The following UVRAG variants were observed in gnomAD, a reference collection of about 807,000 sequenced individuals.
UVRAG encodes the protein UV radiation resistance-associated gene protein.
In UVRAG, 19 loss-of-function variants were observed where a neutral mutation model predicts 78.0. The observed-to-expected ratio is 0.24, with a 90% CI of 0.17 to 0.36. The LOEUF (loss-of-function observed/expected upper bound fraction) is 0.36, where lower values mean the gene tolerates loss of function less well. UVRAG is among the 10% of genes least tolerant of loss of function. The probability of loss-of-function intolerance (pLI) is 1.00; values close to 1 mark genes in which losing one functional copy is unlikely to be tolerated. For synonymous variants in UVRAG, 323 were observed against 324.6 expected (o/e 1.00, Z 0.05); for missense variants, 740 against 853.8 (o/e 0.87, Z 1.66).
chr11:76,002,149 T>C (rs1949826645), intron 8 of UVRAG, among the ~76,000 whole-genome samples: 1 of 152,154 alleles, frequency 6.6e-6, no homozygotes, highest in South Asian at 2.1e-4. Context: ...ATCAGTATTA[T>C]TACTTATTTT....
intron 11 of UVRAG, among the ~76,000 whole-genome samples, chr11:76,015,747 A>C (rs1158841746): frequency 6.6e-6 from 1 of 152,208 alleles, no homozygotes; most frequent in Non-Finnish European, 1.5e-5. Flanking sequence ...GTGCTTACGT[A>C]ATTAAGTGGA....
intron 7 of UVRAG, among the ~76,000 whole-genome samples, chr11:75,964,011 T>C (rs1195926422): frequency 1.3e-5 from 2 of 152,204 alleles, no homozygotes; most frequent in East Asian, 3.9e-4. Context: ...TAGATAAATG[T>C]ATGTTTTTTC....
chr11:75,930,547 A>G (rs191991392), intron 6 of UVRAG, among the ~76,000 whole-genome samples: 4 of 152,350 alleles, frequency 2.6e-5, no homozygotes, highest in Non-Finnish European at 4.4e-5. Flanking sequence ...AAAAAGTTTT[A>G]TAATTGCTCT....
chr11:75,926,121 T>C (rs1399648304), intron 6 of UVRAG, among the ~76,000 whole-genome samples: 2 of 152,172 alleles, frequency 1.3e-5, no homozygotes, highest in African/African-American at 2.4e-5. Flanking sequence ...ATGGAGACTT[T>C]CCTAATAGGC....
chr11:76,110,414 C>G (rs569019188), intron 13 of UVRAG, among the ~76,000 whole-genome samples: 1 of 152,240 alleles, frequency 6.6e-6, no homozygotes, highest in South Asian at 2.1e-4. Context: ...AGTCAAACAA[C>G]TAGTAAGTGA....
rs1391854387 is a variant in UVRAG, at chr11:76,007,761, T to G, written c.999+140T>G. 3 of 674,050 alleles carry G rather than the reference T, an allele frequency of 4.5e-6. No individual in the cohort carries two copies. In the African/African-American group the frequency reaches 5.4e-5, roughly 12 times the overall value. The allele number at this position is 674,050 out of a possible 1,614,324, so 41.8% of individuals were successfully genotyped here. On this transcript the variant is annotated intron_variant, in intron 10 of 14. Coordinates refer to ENST00000356136, the MANE Select transcript of UVRAG (RefSeq NM_003369.4). The stretch of plus-strand genomic sequence containing the variant: ...ATTCATTCAGGAGCTAATGTCTATT[T>G]AAAACATAGATTTAGACTTGTTTGG...
chr11:76,070,742 A>G (rs556467508), intron 13 of UVRAG, among the ~76,000 whole-genome samples: 2 of 152,322 alleles, frequency 1.3e-5, no homozygotes, highest in East Asian at 3.9e-4. Flanking sequence ...TTAATATGCT[A>G]GACACAAAAG....
intron 1 of UVRAG, among the ~76,000 whole-genome samples, chr11:75,841,168 G>C (rs1945899551): frequency 6.6e-6 from 1 of 152,158 alleles, no homozygotes; most frequent in Non-Finnish European, 1.5e-5. Context: ...GAAAGAAATG[G>C]AACCAGGAGT....
intron 6 of UVRAG, among the ~76,000 whole-genome samples, chr11:75,917,578 T>C (rs1399735737): frequency 2.0e-5 from 3 of 152,180 alleles, no homozygotes; most frequent in Non-Finnish European, 2.9e-5. Flanking sequence ...CTACCTCTCT[T>C]TTGGATTTCC....
intron 1 of UVRAG, among the ~76,000 whole-genome samples, chr11:75,847,208 A>G (rs1946053492): frequency 2.0e-5 from 3 of 151,290 alleles, no homozygotes; most frequent in Admixed American, 2.0e-4. Context: ...GCTTACTGCA[A>G]CGTCCAACTC....
chr11:76,060,839 GCCTCCC>G (rs1206059543), intron 12 of UVRAG, among the ~76,000 whole-genome samples: 1 of 152,238 alleles, frequency 6.6e-6, no homozygotes, highest in Non-Finnish European at 1.5e-5. Context: ...CCATGCCTGA[GCCTCCC>G]CCTCCTCCGT....
intron 6 of UVRAG, among the ~76,000 whole-genome samples, chr11:75,954,137 G>A (rs931039352): frequency 6.6e-6 from 1 of 152,078 alleles, no homozygotes; most frequent in Non-Finnish European, 1.5e-5. Flanking sequence ...TGAAAGGGGG[G>A]TGTTATTAGC....
At chr11:76,108,428 T>A (rs1952010203) in intron 13 of UVRAG, among the ~76,000 whole-genome samples, 1 of 152,226 alleles carries the variant, frequency 6.6e-6, no homozygotes, top group Admixed American at 6.5e-5. Flanking sequence ...TTAAATGTGA[T>A]CTCCAGAGCT....
intron 6 of UVRAG, among the ~76,000 whole-genome samples, chr11:75,912,736 C>T (rs60012502): frequency 0.029 from 4,371 of 152,242 alleles, 222 homozygotes; most frequent in African/African-American, 0.1. Context: ...GTTTACGTGA[C>T]ACATAATACA....
intron 2 of UVRAG, among the ~76,000 whole-genome samples, chr11:75,861,275 G>A (rs1350198479): frequency 6.6e-6 from 1 of 152,196 alleles, no homozygotes; most frequent in Non-Finnish European, 1.5e-5. Flanking sequence ...TCACCCGGTT[G>A]CTAGTGTTTT....
At chr11:76,111,406 GTTCAC>G (rs1200920298) in intron 13 of UVRAG, among the ~76,000 whole-genome samples, 1 of 152,066 alleles carries the variant, frequency 6.6e-6, no homozygotes, top group Non-Finnish European at 1.5e-5. Context: ...AATACTCCCA[GTTCAC>G]TTTTCCCACT....
At chr11:76,002,350 TA>T (rs1271698625) in intron 8 of UVRAG, among the ~76,000 whole-genome samples, 13 of 152,308 alleles carry the variant, frequency 8.5e-5, no homozygotes, top group South Asian at 6.2e-4. Flanking sequence ...CTGATTGGGA[TA>T]TTTTTTTTAA....
intron 12 of UVRAG, among the ~76,000 whole-genome samples, chr11:76,050,917 C>T (rs1950852941): frequency 6.6e-6 from 1 of 152,172 alleles, no homozygotes; most frequent in Non-Finnish European, 1.5e-5. Context: ...CCTCTGACTT[C>T]AAAGCCTTAA....
chr11:76,053,181 C>CT (rs1950901676), intron 12 of UVRAG, among the ~76,000 whole-genome samples: 1 of 151,820 alleles, frequency 6.6e-6, no homozygotes, highest in Admixed American at 6.6e-5. Context: ...TGGTGTACAC[C>CT]TGTAATCCCA....
Sources: allele counts gnomAD v4.1 joint callset (sites outside exome capture counted in the v4.1 genomes callset), GRCh38; gene constraint gnomAD v4.1.1; transcripts MANE v1.5; gene names NCBI Gene and HGNC (gene_info 2026-07-23, HGNC 2026-07-21).